Variants in ERC2 observed in about 807,000 individuals in gnomAD.
The protein encoded by ERC2 is ELKS/RAB6-interacting/CAST family member 2.
Under a neutral mutation model 114.8 loss-of-function variants are expected in ERC2, and 42 were observed. That is an observed-to-expected ratio of 0.37 (90% CI 0.29 to 0.47). The LOEUF is 0.47. ERC2 is among the 20% of genes least tolerant of loss of function. The pLI is 0.99. For synonymous variants in ERC2, 454 were observed against 425.5 expected (o/e 1.07, Z -0.82); for missense variants, 939 against 1,150.7 (o/e 0.82, Z 2.66).
At chr3:55,932,348 A>G (rs2066149423) in intron 13 of ERC2, among the ~76,000 whole-genome samples, 1 of 152,194 alleles carries the variant, frequency 6.6e-6, no homozygotes, top group Non-Finnish European at 1.5e-5. Context: ...TTATTATGAC[A>G]TCTATTGCTA....
chr3:56,216,490 A>G (rs1347136949), intron 3 of ERC2, among the ~76,000 whole-genome samples: 1 of 152,206 alleles, frequency 6.6e-6, no homozygotes. Context: ...CTGAAATTGA[A>G]GCAATAATTA....
intron 2 of ERC2, among the ~76,000 whole-genome samples, chr3:56,309,888 G>A (rs1424942264): frequency 6.6e-6 from 1 of 152,164 alleles, no homozygotes; most frequent in Non-Finnish European, 1.5e-5. Flanking sequence ...GCAGGGAAAA[G>A]AAACGGGCAT....
intron 2 of ERC2, among the ~76,000 whole-genome samples, chr3:56,411,711 T>G (rs2060946619): frequency 6.6e-6 from 1 of 152,126 alleles, no homozygotes; most frequent in Non-Finnish European, 1.5e-5. Flanking sequence ...GGTAGAAAAC[T>G]GAGGCCCAGA....
At chr3:56,445,121 G>A (rs753164474) in intron 1 of ERC2, among the ~76,000 whole-genome samples, 2 of 152,148 alleles carry the variant, frequency 1.3e-5, no homozygotes, top group Non-Finnish European at 2.9e-5. Context: ...ACAATGTCAG[G>A]CTCACCTTTC....
In ERC2 at chr3:56,063,633, C is replaced by T. The variant is rs117536351; in HGVS notation, c.1641+17184G>A. ...AGGCAGAGGATATGTAAGTAACTTG[C>T]CAAAGATTAAAAAGACCTTAAGTAA... On this transcript the variant is annotated intron_variant, in intron 7 of 17. Transcript: ENST00000288221. Among the ~76,000 whole-genome samples the T allele has an allele frequency of 8.9e-3, 1,358 of 152,130 alleles. 32 individuals are homozygous for T. The East Asian group carries it at 0.1, about 11-fold the overall frequency.
chr3:55,904,800 G>A (rs2064335048), intron 13 of ERC2, among the ~76,000 whole-genome samples: 1 of 152,196 alleles, frequency 6.6e-6, no homozygotes, highest in Non-Finnish European at 1.5e-5. Flanking sequence ...TGGCCTCGTG[G>A]CATCTTCTCC....
intron 17 of ERC2, among the ~76,000 whole-genome samples, chr3:55,593,791 T>C (rs1393794248): frequency 2.0e-5 from 3 of 152,176 alleles, no homozygotes; most frequent in African/African-American, 7.2e-5. Context: ...CTCCCTCCTC[T>C]TGGTCCACAA....
At chr3:55,553,933 C>T (rs1055299181) in intron 17 of ERC2, among the ~76,000 whole-genome samples, 3 of 152,156 alleles carry the variant, frequency 2.0e-5, no homozygotes, top group Admixed American at 6.5e-5. Context: ...ATATGAGTGA[C>T]TTTTAGTTTC....
intron 13 of ERC2, among the ~76,000 whole-genome samples, chr3:55,891,404 T>C (rs1011337730): frequency 2.7e-5 from 4 of 150,248 alleles, no homozygotes; most frequent in Non-Finnish European, 5.9e-5. Context: ...CAGCATAACC[T>C]GGCCTATCTT....
At chr3:56,264,802 G>A (rs1030976657) in intron 3 of ERC2, among the ~76,000 whole-genome samples, 1 of 143,078 alleles carries the variant, frequency 7.0e-6, no homozygotes, top group Non-Finnish European at 1.5e-5. Flanking sequence ...AGTTGCATTT[G>A]TCTACAGCAA....
chr3:56,425,799 A>G lies in ERC2; in HGVS notation c.657+8552T>C, dbSNP rs1028501229. ...ATTAACGGTTTCTGATGTTTTATCA[A>G]TTGGTGAGCTGCAAGTAATAGAATG... On this transcript the variant is annotated intron_variant, in intron 2 of 17. Transcript: ENST00000288221. Among the ~76,000 whole-genome samples the G allele has an allele frequency of 2.0e-5, 3 of 152,182 alleles. No homozygotes were observed. The East Asian group carries it at 5.8e-4, about 29-fold the overall frequency.
intron 14 of ERC2, among the ~76,000 whole-genome samples, chr3:55,791,263 C>A (rs1252074403): frequency 2.0e-5 from 3 of 152,004 alleles, no homozygotes; most frequent in African/African-American, 7.2e-5. Context: ...TGATAAAGAT[C>A]ATTTAAATTC....
At chr3:56,024,628 G>C (rs1478519462) in intron 7 of ERC2, among the ~76,000 whole-genome samples, 2 of 152,214 alleles carry the variant, frequency 1.3e-5, no homozygotes, top group Non-Finnish European at 2.9e-5. Context: ...TAGAAACCAA[G>C]TGTTAGCAGT....
chr3:56,036,313 C>T (rs2074798473), intron 7 of ERC2, among the ~76,000 whole-genome samples: 1 of 152,164 alleles, frequency 6.6e-6, no homozygotes, highest in Non-Finnish European at 1.5e-5. Context: ...AGGATGCCCA[C>T]TTTTGCCACT....
chr3:55,838,101 A>C (rs75583136), intron 14 of ERC2, among the ~76,000 whole-genome samples: 1 of 152,060 alleles, frequency 6.6e-6, no homozygotes, highest in South Asian at 2.1e-4. Flanking sequence ...TGAAAAAAAA[A>C]CATTATTTTA....
intron 12 of ERC2, 23 bp from the exon 13 acceptor site, chr3:55,950,583 G>C (rs369950905): frequency 1.2e-6 from 2 of 1,613,416 alleles, no homozygotes; most frequent in Non-Finnish European, 1.7e-6. Context: ...AGCACAGCTT[G>C]GTTAAATTCT....
At chr3:55,961,053 G>A (rs1290387520) in intron 12 of ERC2, among the ~76,000 whole-genome samples, 5 of 152,372 alleles carry the variant, frequency 3.3e-5, no homozygotes, top group South Asian at 4.1e-4. Flanking sequence ...CCGCTGGGGC[G>A]GAGGTTGCAG....
chr3:55,954,452 T>C lies in ERC2; in HGVS notation c.2268-3892A>G, dbSNP rs146155334. On this transcript the variant is annotated intron_variant, in intron 12 of 17. Transcript: ENST00000288221. Reference sequence around the variant, plus strand: ...TATCTGTCAAATTCTAAGAATAAAGTGTTCTCTAACTTGCTGGTGAGAACG... The same window carrying C: ...TATCTGTCAAATTCTAAGAATAAAGCGTTCTCTAACTTGCTGGTGAGAACG... 1.1e-3 allele frequency among the ~76,000 whole-genome samples: 164 copies of C among 152,346 alleles called. 1 individual carries two copies. In the East Asian group the frequency reaches 0.03, roughly 28 times the overall value.
At chr3:56,001,679 C>A (rs1229637968) in intron 10 of ERC2, among the ~76,000 whole-genome samples, 1 of 152,084 alleles carries the variant, frequency 6.6e-6, no homozygotes, top group Non-Finnish European at 1.5e-5. Context: ...AGAGTTATTT[C>A]TTTGGTCCTA....
Sources: allele counts gnomAD v4.1 joint callset (sites outside exome capture counted in the v4.1 genomes callset), GRCh38; gene constraint gnomAD v4.1.1; transcripts MANE v1.5; gene names NCBI Gene and HGNC (gene_info 2026-07-23, HGNC 2026-07-21).